The following DCHS1 variants were observed in gnomAD, a reference collection of about 807,000 sequenced individuals.
The protein encoded by DCHS1 is protocadherin-16.
DCHS1 carries 78 observed loss-of-function variants against 213.9 expected under a neutral mutation model. The observed-to-expected ratio is 0.36, with a 90% confidence interval of 0.30 to 0.44. DCHS1 has a LOEUF of 0.44. Among genes scored for constraint, DCHS1 ranks in the 20% least tolerant of loss-of-function variants. The pLI, the probability that DCHS1 is intolerant of heterozygous loss-of-function variation, is 1.00. For synonymous variants in DCHS1, 1,828 were observed against 1,873.7 expected (o/e 0.98, Z 0.63); for missense variants, 3,946 against 4,395.9 (o/e 0.90, Z 2.89).
intron 1 of DCHS1, among the ~76,000 whole-genome samples, chr11:6,650,400 C>T (rs1308776877): frequency 6.6e-6 from 1 of 152,058 alleles, no homozygotes; most frequent in Non-Finnish European, 1.5e-5. Flanking sequence ...AAGATGGATA[C>T]AGGAGCTGAA....
At chr11:6,633,297 G>T in intron 5 of DCHS1, 115 bp downstream of exon 5, 2 of 1,197,512 alleles carry the variant, frequency 1.7e-6, no homozygotes, top group Admixed American at 2.2e-5. Flanking sequence ...GTACAGGAGT[G>T]TTTTATACTG....
intron 1 of DCHS1, among the ~76,000 whole-genome samples, chr11:6,654,898 C>A (rs1195829258): frequency 1.3e-5 from 2 of 152,086 alleles, no homozygotes; most frequent in Admixed American, 1.3e-4. Context: ...CCTGCGGTGA[C>A]CTTGCTCTGT....
chr11:6,634,429 T>C (rs1855959878), intron 2 of DCHS1, 123 bp from the exon 3 acceptor site: 2 of 1,162,292 alleles, frequency 1.7e-6, no homozygotes, highest in Admixed American at 6.1e-5. Context: ...AGAGGACTAG[T>C]AGGACATGGG....
Position 6,627,625 on chromosome 11 carries a change from C to T in DCHS1, c.5414G>A (p.Gly1805Glu). Reference protein sequence around the residue: ...SGAFVLDLASGEFGTMRPLDR... With the variant: ...SGAFVLDLASEEFGTMRPLDR... ...TAGTGGCCGCATGGTGCCAAACTCT[C>T]CAGAAGCAAGGTCTAGGACAAAGGC... The change falls in exon 14 of 21, where the codon GGA (glycine) becomes GAA (glutamate). Residue 1805 changes from glycine (G) to glutamate (E), a missense_variant. Coordinates refer to ENST00000299441, the MANE Select transcript of DCHS1 (RefSeq NM_003737.4). The surrounding 1 kb of genome is among the most constrained non-coding windows in gnomAD (Gnocchi z 5.4). 1 of 1,613,306 alleles carries T rather than the reference C, an allele frequency of 6.2e-7. No homozygotes were observed. The highest frequency in any genetic ancestry group is 1.1e-5 in the South Asian group (1 of 91,012).
intron 1 of DCHS1, among the ~76,000 whole-genome samples, chr11:6,653,747 C>T (rs1034837339): frequency 6.6e-6 from 1 of 152,010 alleles, no homozygotes; most frequent in African/African-American, 2.4e-5. Context: ...ACACAGTGGC[C>T]AAGGAGTGGT....
rs574217610 is a variant in DCHS1, at chr11:6,624,219, T to C, written c.7457A>G (p.His2486Arg). Residue 2486 changes from histidine to arginine, a missense_variant, in exon 21 of 21, where the codon CAC becomes CGC. Physicochemically the swap from His to Arg is conservative, Grantham distance 29 (BLOSUM62 0). This residue lies in a region of DCHS1 where 3,384 missense variants were observed against 3,780.1 expected (regional missense o/e 0.90). Coordinates refer to ENST00000299441, the MANE Select transcript of DCHS1 (RefSeq NM_003737.4). ...GTCTTCAGTCACAGCCACACGGTAGTGTGACAATGTGAAGCTCGGGGCGTG... is the reference window on the plus strand; with the variant it reads ...GTCTTCAGTCACAGCCACACGGTAGCGTGACAATGTGAAGCTCGGGGCGTG... ...NDHAPSFTLSHYRVAVTEDLP... is the reference protein window; with the variant it reads ...NDHAPSFTLSRYRVAVTEDLP... 1.2e-6 allele frequency: 2 copies of C among 1,613,306 alleles called. No homozygotes were observed. Among genetic ancestry groups the C allele is most frequent in the Non-Finnish European group, 1.7e-6 (2 of 1,179,744 alleles).
At chr11:6,649,782 G>T (rs1344427659) in intron 1 of DCHS1, among the ~76,000 whole-genome samples, 2 of 152,102 alleles carry the variant, frequency 1.3e-5, no homozygotes, top group African/African-American at 4.8e-5. Flanking sequence ...GACAATCAGG[G>T]TCTAGGCTGT....
rs1183252383 is a variant in DCHS1 at position 6,627,739 on chromosome 11, G to A, written c.5372-72C>T. 2.0e-6 allele frequency: 3 copies of A among 1,500,336 alleles called. No individual in the cohort carries two copies. Among genetic ancestry groups the A allele is most frequent in the African/African-American group, 1.4e-5 (1 of 72,032 alleles). 92.9% of individuals were successfully genotyped at this position (1,500,336 alleles called of 1,614,324 possible). ...TGGGGGTGATTTACAGACAACAGGA[G>A]AGAGTGAGCATGTGCACAAAAGCAA... On this transcript the variant is annotated intron_variant, in intron 13 of 20. Coordinates refer to ENST00000299441, the MANE Select transcript of DCHS1 (RefSeq NM_003737.4). This position sits in a 1 kb window ranked among gnomAD's most constrained non-coding sequence, Gnocchi z 5.4.
chr11:6,632,289 C>T lies in DCHS1; in HGVS notation c.3223G>A (p.Val1075Met), dbSNP rs1036581185. Residue 1075 changes from valine (V) to methionine (M), a missense_variant, in exon 6 of 21, where the codon GTG becomes ATG. Coordinates refer to ENST00000299441, the MANE Select transcript of DCHS1 (RefSeq NM_003737.4). The surrounding 1 kb of genome is among the most constrained non-coding windows in gnomAD (Gnocchi z 5.9). Reference sequence around the variant, plus strand: ...CCCAACTCAGCTTTGGACCCAGACACTGCCATTACCTTCAGTATGTACAAT... The same window carrying T: ...CCCAACTCAGCTTTGGACCCAGACATTGCCATTACCTTCAGTATGTACAAT... ...QELYILKVMAVSGSKAELGQQ... is the reference protein window; with the variant it reads ...QELYILKVMAMSGSKAELGQQ... 1.9e-6 allele frequency: 3 copies of T among 1,613,950 alleles called. No homozygotes were observed. Among genetic ancestry groups the T allele is most frequent in the Admixed American group, 1.7e-5 (1 of 60,020 alleles).
rs1039764623 is a variant in DCHS1, at chr11:6,630,490, G to T, written c.4304C>A (p.Ala1435Asp). ...QVQDENEHAPAFARDPLALAL... is the reference protein window; with the variant it reads ...QVQDENEHAPDFARDPLALAL... The stretch of plus-strand genomic sequence containing the variant: ...CAGCGCCAGCGGGTCGCGCGCAAAG[G>T]CGGGCGCATGCTCATTCTCGTCCTG... The change falls in exon 10 of 21, where the codon GCC (alanine) becomes GAC (aspartate). Residue 1435 changes from alanine to aspartate, a missense_variant. Physicochemically the swap from Ala to Asp is moderately radical, Grantham distance 126. Transcript: ENST00000299441. The T allele has an allele frequency of 6.5e-7, 1 of 1,536,360 alleles. No individual in the cohort carries two copies. Among genetic ancestry groups the T allele is most frequent in the Admixed American group, 1.9e-5 (1 of 53,278 alleles).
chr11:6,633,461 A>G lies in DCHS1; in HGVS notation c.2406T>C (p.Asp802=). ...TGCCCACACTGGTGCCTGGTGCCACATCCTCTGGCACAGAAAAAACATACT... is the reference window on the plus strand; with the variant it reads ...TGCCCACACTGGTGCCTGGTGCCACGTCCTCTGGCACAGAAAAAACATACT... ...QLQYVFSVPE[D]VAPGTSVGIV... Residue 802 remains aspartate (D), a synonymous_variant, in exon 5 of 21, where the codon GAT becomes GAC. Coordinates refer to ENST00000299441, the MANE Select transcript of DCHS1 (RefSeq NM_003737.4). 1 of 1,571,010 alleles carries G rather than the reference A, an allele frequency of 6.4e-7. No homozygotes were observed. The highest frequency in any genetic ancestry group is 8.6e-7 in the Non-Finnish European group (1 of 1,157,140).
chr11:6,628,532 G>A lies in DCHS1; in HGVS notation c.5371+89C>T. 1 of 1,457,628 alleles carries A rather than the reference G, an allele frequency of 6.9e-7. No individual in the cohort carries two copies. The highest frequency in any genetic ancestry group is 9.6e-7 in the Non-Finnish European group (1 of 1,043,452). 90.3% of individuals were successfully genotyped at this position (1,457,628 alleles called of 1,614,324 possible). On this transcript the variant is annotated intron_variant, in intron 13 of 20. Coordinates refer to ENST00000299441, the MANE Select transcript of DCHS1 (RefSeq NM_003737.4). This position sits in a 1 kb window ranked among gnomAD's most constrained non-coding sequence, Gnocchi z 4.3. ...ACATCAAGAGGGAAAAGGAGACCCA[G>A]ACACATGCACTGAGGCTGACAGCAG...
chr11:6,630,065 C>T lies in DCHS1; in HGVS notation c.4729G>A (p.Ala1577Thr), dbSNP rs1442147822. 1.3e-6 allele frequency: 2 copies of T among 1,573,104 alleles called. No homozygotes were observed. The highest frequency in any genetic ancestry group is 2.3e-5 in the East Asian group (1 of 44,414). Reference protein sequence around the residue: ...VVARDPDLGEAARVSYRLASG... With the variant: ...VVARDPDLGETARVSYRLASG... ...GCCAGCCGATAGGACACGCGTGCAG[C>T]CTCGCCCAGATCCGGGTCCCGGGCT... The change falls in exon 10 of 21, where the codon GCT becomes ACT. Residue 1577 changes from alanine to threonine, a missense_variant. This residue lies in a region of DCHS1 where 3,384 missense variants were observed against 3,780.1 expected (regional missense o/e 0.90). Coordinates refer to ENST00000299441, the MANE Select transcript of DCHS1 (RefSeq NM_003737.4).
At chr11:6,639,721 A>G in intron 2 of DCHS1, 96 bp downstream of exon 2, 1 of 1,070,220 alleles carries the variant, frequency 9.3e-7, no homozygotes, top group South Asian at 1.6e-5. Context: ...AGTCACCATC[A>G]ACAGATGACC....
rs1000532971 is a variant in DCHS1 at position 6,629,693 on chromosome 11, G to T, written c.5014C>A (p.Arg1672=). The T allele has an allele frequency of 6.8e-6, 11 of 1,613,508 alleles. No homozygotes were observed. The highest frequency in any genetic ancestry group is 9.3e-6 in the Non-Finnish European group (11 of 1,179,780). The change falls in exon 11 of 21, where the codon CGA becomes AGA. Residue 1672 remains arginine, a synonymous_variant. Coordinates refer to ENST00000299441, the MANE Select transcript of DCHS1 (RefSeq NM_003737.4). ...TTACCCACGTCGGGGTCGGTTGCTC[G>T]CAGGGTGAGCAGAGATGTGCCAGGA... ...NPPGTSLLTL[R]ATDPDVGANG...
Position 6,625,514 on chromosome 11 carries a change from G to A in DCHS1, c.6863-33C>T. 1.2e-6 allele frequency: 2 copies of A among 1,607,912 alleles called. No individual in the cohort carries two copies. Among genetic ancestry groups the A allele is most frequent in the East Asian group, 4.5e-5 (2 of 44,864 alleles). On this transcript the variant is annotated intron_variant, in intron 18 of 20. Transcript: ENST00000299441. This position sits in a 1 kb window ranked among gnomAD's most constrained non-coding sequence, Gnocchi z 5.3. ...ACATGAGACTAGTGTGTTTGGCAAT[G>A]GACACAGCCCCACCTTGAGCTGCAG...
At position 6,630,779 on chromosome 11, in the gene DCHS1, C is replaced by T. The variant is rs759001231; in HGVS notation, c.4015G>A (p.Val1339Met). The change falls in exon 10 of 21, where the codon GTG becomes ATG. Residue 1339 changes from valine to methionine, a missense_variant. Physicochemically the swap from Val to Met is conservative, Grantham distance 21 (BLOSUM62 1). This residue lies in a region of DCHS1 where 3,384 missense variants were observed against 3,780.1 expected (regional missense o/e 0.90). Transcript: ENST00000299441. ...GGCCGCAGTCCCTCAGCTGCTGTCA[C>T]CGTCAGCACGACAGGCACTGGTGCC... The part of the protein sequence containing the change: ...PAAPVPVVLT[V>M]TAAEGLRPGS... 1.2e-5 allele frequency: 18 copies of T among 1,547,460 alleles called. No individual in the cohort carries two copies. The East Asian group carries it at 3.9e-4, about 34-fold the overall frequency.
rs1459246505 is a variant in DCHS1 at position 6,641,668 on chromosome 11, C to A, written c.-55G>T. 29 of 1,482,404 alleles carry A rather than the reference C, an allele frequency of 2.0e-5. No homozygotes were observed. Among genetic ancestry groups the A allele is most frequent in the Middle Eastern group, 2.4e-4 (1 of 4,086 alleles). 91.8% of individuals were successfully genotyped at this position (1,482,404 alleles called of 1,614,324 possible). The stretch of plus-strand genomic sequence containing the variant: ...TCCAGCTCCAGGCCAGGCTCTGGGC[C>A]CAGCTTGACCTCAGACTTTGGGTCA... On this transcript the variant is annotated 5_prime_UTR_variant, in exon 2 of 21. Transcript: ENST00000299441. The surrounding 1 kb of genome is among the most constrained non-coding windows in gnomAD (Gnocchi z 7.1).
rs748501885 is a variant in DCHS1, at chr11:6,634,225, G to C, written c.1879C>G (p.Pro627Ala). Residue 627 changes from proline (P) to alanine (A), a missense_variant, in exon 3 of 21, where the codon CCC becomes GCC. Physicochemically the swap from Pro to Ala is conservative, Grantham distance 27 (BLOSUM62 -1). This residue lies in a region of DCHS1 where 3,384 missense variants were observed against 3,780.1 expected (regional missense o/e 0.90). Transcript: ENST00000299441. ...CTGTGGGCATCAATGCGGAATGGGG[G>C]AGATCCGGAGGACCCAAGTCCAGCA... ...LGAGLGSSGS[P>A]PFRIDAHSGD... The C allele has an allele frequency of 8.1e-6, 13 of 1,613,876 alleles. 1 individual carries two copies. Among genetic ancestry groups the C allele is most frequent in the Non-Finnish European group, 1.1e-5 (13 of 1,179,872 alleles).
Sources: gnomAD v4.1 joint callset for allele counts (sites outside exome capture counted in the v4.1 genomes callset) on GRCh38, gnomAD v4.1.1 for gene constraint, gnomAD v4.1.1 regional missense constraint, Gnocchi (gnomAD v3.1) non-coding constraint, MANE v1.5 for transcripts, NCBI Gene and HGNC (gene_info 2026-07-23, HGNC 2026-07-21) for gene names.